Variants in EXOC4 observed in about 807,000 individuals in gnomAD.
EXOC4 encodes the protein exocyst complex component 4.
In EXOC4, 71 loss-of-function variants were observed where a neutral mutation model predicts 107.2. That is an observed-to-expected ratio of 0.66 (90% CI 0.55 to 0.81). The LOEUF (loss-of-function observed/expected upper bound fraction) is 0.81, where lower values mean the gene tolerates loss of function less well. Among genes scored for constraint, EXOC4 ranks in the 30% least tolerant of loss-of-function variants. The pLI is 0.00. For synonymous variants in EXOC4, 456 were observed against 441.2 expected (o/e 1.03, Z -0.42); for missense variants, 1,108 against 1,189.6 (o/e 0.93, Z 1.01).
At chr7:134,054,690 G>T (rs1795880523) in intron 17 of EXOC4, among the ~76,000 whole-genome samples, 1 of 152,150 alleles carries the variant, frequency 6.6e-6, no homozygotes, top group African/African-American at 2.4e-5. Context: ...GTCCTATCGA[G>T]GGTAGCCATT....
At chr7:133,831,108 G>A (rs546169790) in intron 11 of EXOC4, among the ~76,000 whole-genome samples, 10 of 152,230 alleles carry the variant, frequency 6.6e-5, no homozygotes, top group Admixed American at 3.3e-4. Flanking sequence ...GGGATTACAG[G>A]CACCCGCCAC....
In EXOC4 at chr7:133,893,565, C is replaced by T. The variant is rs1211401848; in HGVS notation, c.1735-2034C>T. On this transcript the variant is annotated intron_variant, in intron 11 of 17. Transcript: ENST00000253861. ...GGCATGATTTTGCAGCGGCTGGTAC[C>T]GGTTGTTCCTTTCCATGTTTAGTGC... Among the ~76,000 whole-genome samples, 31 of 67,678 alleles carry T rather than the reference C, an allele frequency of 4.6e-4. 8 individuals are homozygous for T. In the South Asian group the frequency reaches 0.017, roughly 37 times the overall value. 44.4% of individuals were successfully genotyped at this position (67,678 alleles called of 152,430 possible).
intron 7 of EXOC4, among the ~76,000 whole-genome samples, chr7:133,431,675 G>C (rs1348210884): frequency 1.3e-5 from 2 of 152,166 alleles, no homozygotes; most frequent in African/African-American, 4.8e-5. Context: ...AGATTACCCT[G>C]TATCTGAGGC....
chr7:134,036,739 A>G (rs1230185864), intron 17 of EXOC4, among the ~76,000 whole-genome samples: 1 of 152,230 alleles, frequency 6.6e-6, no homozygotes, highest in African/African-American at 2.4e-5. Context: ...CTGTAGAGAC[A>G]GAAGGTTTCT....
intron 17 of EXOC4, among the ~76,000 whole-genome samples, chr7:134,052,587 A>G (rs1175315553): frequency 6.6e-6 from 1 of 152,152 alleles, no homozygotes; most frequent in African/African-American, 2.4e-5. Context: ...ACTACAGAGG[A>G]GGATGCAAAC....
At chr7:133,361,121 A>G (rs1430797082) in intron 6 of EXOC4, among the ~76,000 whole-genome samples, 2 of 152,168 alleles carry the variant, frequency 1.3e-5, no homozygotes, top group Admixed American at 6.5e-5. Context: ...TGGACCAGAC[A>G]TTGGGTAAAA....
chr7:133,863,592 G>A (rs979366447), intron 11 of EXOC4, among the ~76,000 whole-genome samples: 1 of 152,302 alleles, frequency 6.6e-6, no homozygotes, highest in East Asian at 1.9e-4. Flanking sequence ...TGCTGGCAGT[G>A]TTCTCTATCT....
At chr7:133,876,928 GA>G (rs1167546721) in intron 11 of EXOC4, among the ~76,000 whole-genome samples, 2 of 151,882 alleles carry the variant, frequency 1.3e-5, no homozygotes, top group Non-Finnish European at 2.9e-5. Context: ...TTCCATTTGA[GA>G]TTTATTGAGC....
intron 7 of EXOC4, among the ~76,000 whole-genome samples, chr7:133,385,692 T>A (rs957139605): frequency 1.3e-5 from 2 of 152,162 alleles, no homozygotes; most frequent in Admixed American, 6.6e-5. Context: ...ATGGAGAAAC[T>A]GTGATGGGTT....
intron 17 of EXOC4, among the ~76,000 whole-genome samples, chr7:134,021,722 GAAAAAA>G (rs60762484): frequency 1.3e-3 from 68 of 53,740 alleles, no homozygotes; most frequent in Non-Finnish European, 1.7e-3. Context: ...AGTCAAACCA[GAAAAAA>G]AAAAAAAAAA....
chr7:133,834,752 A>G (rs1019585409), intron 11 of EXOC4, among the ~76,000 whole-genome samples: 1 of 152,208 alleles, frequency 6.6e-6, no homozygotes, highest in Admixed American at 6.5e-5. Context: ...TACATAGAAC[A>G]TAAATAATAG....
chr7:133,744,875 T>C (rs1373583930), intron 10 of EXOC4, among the ~76,000 whole-genome samples: 1 of 152,178 alleles, frequency 6.6e-6, no homozygotes, highest in Non-Finnish European at 1.5e-5. Flanking sequence ...AGCTGATCGC[T>C]ACATTTTTGC....
intron 10 of EXOC4, among the ~76,000 whole-genome samples, chr7:133,660,241 G>T (rs1422708174): frequency 2.6e-5 from 4 of 151,038 alleles, no homozygotes; most frequent in Non-Finnish European, 5.9e-5. Flanking sequence ...TTCTGAGACT[G>T]ATTTAGTGTG....
intron 14 of EXOC4, among the ~76,000 whole-genome samples, chr7:133,957,426 CTG>C (rs1462106436): frequency 1.3e-5 from 2 of 152,162 alleles, no homozygotes; most frequent in Admixed American, 1.3e-4. Context: ...TTTTGAATAA[CTG>C]TAGTCTTTAG....
chr7:133,434,027 T>C (rs1049635942), intron 7 of EXOC4, among the ~76,000 whole-genome samples: 4 of 152,192 alleles, frequency 2.6e-5, no homozygotes, highest in Non-Finnish European at 4.4e-5. Context: ...AAATTCCATT[T>C]TATCTTAAGA....
chr7:133,636,906 T>C (rs1802725780), intron 10 of EXOC4, among the ~76,000 whole-genome samples: 3 of 152,188 alleles, frequency 2.0e-5, no homozygotes, highest in Middle Eastern at 3.2e-3. Flanking sequence ...TTCTTAAGAC[T>C]AGTAACAGTC....
chr7:133,924,107 C>G (rs1290685293), intron 13 of EXOC4, among the ~76,000 whole-genome samples: 3 of 152,134 alleles, frequency 2.0e-5, no homozygotes, highest in Admixed American at 6.5e-5. Flanking sequence ...CAAGGCTCCA[C>G]TCTTTCACAG....
intron 12 of EXOC4, among the ~76,000 whole-genome samples, chr7:133,907,023 C>A (rs765871078): frequency 6.6e-6 from 1 of 152,152 alleles, no homozygotes; most frequent in Non-Finnish European, 1.5e-5. Flanking sequence ...TTGGAAGCGG[C>A]CAGCCACCAT....
At chr7:133,474,491 A>T (rs574453449) in intron 7 of EXOC4, among the ~76,000 whole-genome samples, 148 of 139,856 alleles carry the variant, frequency 1.1e-3, no homozygotes, top group Middle Eastern at 3.6e-3. Flanking sequence ...TTTTTTTTTT[A>T]AAGTAGAGAT....
Sources: allele counts gnomAD v4.1 joint callset (sites outside exome capture counted in the v4.1 genomes callset), GRCh38; gene constraint gnomAD v4.1.1; transcripts MANE v1.5; gene names NCBI Gene and HGNC (gene_info 2026-07-23, HGNC 2026-07-21).